Variants in LMNTD1 observed in about 807,000 individuals in gnomAD.
LMNTD1 encodes the protein lamin tail domain containing 1.
LMNTD1 carries 35 observed loss-of-function variants against 50.9 expected under a neutral mutation model. That is an observed-to-expected ratio of 0.69 (90% confidence interval 0.53 to 0.91). The LOEUF is 0.91. LMNTD1 is among the 40% of genes least tolerant of loss of function. The pLI is 0.00. For missense variants in LMNTD1, 470 were observed against 475.5 expected (o/e 0.99, Z 0.11); for synonymous variants, 153 against 161.9 (o/e 0.94, Z 0.42).
chr12:25,530,507 T>A (rs1430099625), intron 4 of LMNTD1, among the ~76,000 whole-genome samples: 1 of 152,224 alleles, frequency 6.6e-6, no homozygotes, highest in Non-Finnish European at 1.5e-5. Context: ...TCCTAGTTAA[T>A]TAGATTGTCC....
In LMNTD1 at chr12:25,518,867, T is replaced by C. The variant is rs771860945; in HGVS notation, c.1117A>G (p.Asn373Asp). The C allele has an allele frequency of 1.2e-6, 2 of 1,613,916 alleles. No homozygotes were observed. The highest frequency in any genetic ancestry group is 1.3e-5 in the African/African-American group (1 of 74,880). ...AATCTGCCTCCAGCGGTGGATGTATTGTGTGGTTCAATCAGAGGACAGTAA... is the reference window on the plus strand; with the variant it reads ...AATCTGCCTCCAGCGGTGGATGTATCGTGTGGTTCAATCAGAGGACAGTAA... Reference protein sequence around the residue: ...HPYCPLIEPHNTSTAGGRLDR... With the variant: ...HPYCPLIEPHDTSTAGGRLDR... The change falls in exon 8 of 10, where the codon AAT (asparagine) becomes GAT (aspartate). Residue 373 changes from asparagine (N) to aspartate (D), a missense_variant. By Grantham distance (23) the Asn-to-Asp change is conservative. Coordinates refer to ENST00000458174, the MANE Select transcript of LMNTD1 (RefSeq NM_001145728.2).
At chr12:25,480,284 G>T (rs542685389) in intron 9 of LMNTD1, among the ~76,000 whole-genome samples, 1 of 152,284 alleles carries the variant, frequency 6.6e-6, no homozygotes, top group Non-Finnish European at 1.5e-5. Flanking sequence ...ATTTTATCAT[G>T]ATTTTCTGGC....
At position 25,559,325 on chromosome 12, in the gene LMNTD1, T is replaced by C. The variant is rs537606760; in HGVS notation, c.59-12771A>G. 4.6e-5 allele frequency among the ~76,000 whole-genome samples: 7 copies of C among 152,236 alleles called. No homozygotes were observed. The South Asian group carries it at 1.5e-3, about 32-fold the overall frequency. ...GTTTTCTGTCCTTGCAATACTTTGC[T>C]CAGAATGATGGTTTCCAGCTTCATC... On this transcript the variant is annotated intron_variant, in intron 1 of 7. Transcript: ENST00000445693.
intron 9 of LMNTD1, among the ~76,000 whole-genome samples, chr12:25,494,556 T>C (rs1215768130): frequency 6.6e-6 from 1 of 152,180 alleles, no homozygotes; most frequent in Non-Finnish European, 1.5e-5. Context: ...GTCTCCATAA[T>C]GTATTCCAAA....
intron 9 of LMNTD1, among the ~76,000 whole-genome samples, chr12:25,493,590 A>G (rs1414781771): frequency 6.6e-6 from 1 of 152,216 alleles, no homozygotes; most frequent in Non-Finnish European, 1.5e-5. Flanking sequence ...GGGTCCACCA[A>G]CTGAATTTGG....
intron 9 of LMNTD1, among the ~76,000 whole-genome samples, chr12:25,485,027 G>A (rs1170432664): frequency 6.6e-6 from 1 of 151,924 alleles, no homozygotes; most frequent in East Asian, 1.9e-4. Context: ...CCCAGTAATG[G>A]GATGCCTGGG....
rs367837037 is a variant in LMNTD1 at position 25,520,160 on chromosome 12, A to G, written c.799-85T>C. 2.6e-3 allele frequency: 555 copies of G among 215,858 alleles called. 49 individuals are homozygous for G. In the East Asian group the frequency reaches 0.032, roughly 12 times the overall value. 13.4% of individuals were successfully genotyped at this position (215,858 alleles called of 1,614,324 possible). A position where few individuals can be genotyped will look rare whatever the true frequency, so the allele number is the denominator to read the frequency against. On this transcript the variant is annotated intron_variant, in intron 6 of 9. Transcript: ENST00000458174. ...ATGAGATATACATATATATATATAT[A>G]TATATATATATATATAGTAAAATGG...
chr12:25,597,747 T>C (rs1392078932), intron 1 of LMNTD1, among the ~76,000 whole-genome samples: 1 of 152,188 alleles, frequency 6.6e-6, no homozygotes, highest in Non-Finnish European at 1.5e-5. Context: ...ATATGTTAAG[T>C]CACAAGACAA....
chr12:25,616,201 A>C (rs945174946), intron 1 of LMNTD1, among the ~76,000 whole-genome samples: 1 of 152,202 alleles, frequency 6.6e-6, no homozygotes, highest in African/African-American at 2.4e-5. Context: ...GACTATTTTT[A>C]GACAGGGTGG....
intron 1 of LMNTD1, among the ~76,000 whole-genome samples, chr12:25,571,020 A>T (rs1944765648): frequency 6.6e-6 from 1 of 152,196 alleles, no homozygotes; most frequent in Non-Finnish European, 1.5e-5. Context: ...TGACCTGTAC[A>T]GTCATAGGTG....
chr12:25,535,125 CTGTATT>C (rs1471416512), intron 4 of LMNTD1, among the ~76,000 whole-genome samples: 1 of 152,134 alleles, frequency 6.6e-6, no homozygotes, highest in Non-Finnish European at 1.5e-5. Context: ...ATCCTTATAA[CTGTATT>C]TGTATGTTCA....
chr12:25,554,645 T>C (rs1250411945), upstream of LMNTD1, among the ~76,000 whole-genome samples: 8 of 152,222 alleles, frequency 5.3e-5, no homozygotes, highest in South Asian at 1.4e-3. Flanking sequence ...CGGGTATTAG[T>C]GGCATTTGGT....
rs544334976 is a variant in LMNTD1, at chr12:25,526,858, G to T, written c.589C>A (p.His197Asn). Reference protein sequence around the residue: ...SLDKEMAIGDHILQQNVNGQT... With the variant: ...SLDKEMAIGDNILQQNVNGQT... ...CCATTCACATTTTGCTGGAGAATAT[G>T]ATCTCCAATTGCCATTTCTTTGTCA... The change falls in exon 5 of 10, where the codon CAT becomes AAT. Residue 197 changes from histidine to asparagine, a missense_variant. Physicochemically the swap from His to Asn is moderately conservative, Grantham distance 68. Coordinates refer to ENST00000458174, the MANE Select transcript of LMNTD1 (RefSeq NM_001145728.2). 2 of 1,611,490 alleles carry T rather than the reference G, an allele frequency of 1.2e-6. No homozygotes were observed. Among genetic ancestry groups the T allele is most frequent in the South Asian group, 2.2e-5 (2 of 90,964 alleles).
intron 6 of LMNTD1, among the ~76,000 whole-genome samples, chr12:25,523,429 T>C (rs1323097191): frequency 6.6e-6 from 1 of 152,234 alleles, no homozygotes; most frequent in Non-Finnish European, 1.5e-5. Context: ...TCTATTCTGA[T>C]CTGTATAGCT....
chr12:25,559,170 T>C (rs1208328528), intron 1 of LMNTD1, among the ~76,000 whole-genome samples: 1 of 152,078 alleles, frequency 6.6e-6, no homozygotes, highest in African/African-American at 2.4e-5. Context: ...ACATTAGGTA[T>C]ATCTCCTAAT....
At chr12:25,582,741 T>C (rs937941718) in intron 1 of LMNTD1, among the ~76,000 whole-genome samples, 2 of 152,252 alleles carry the variant, frequency 1.3e-5, no homozygotes, top group Non-Finnish European at 2.9e-5. Flanking sequence ...TATCTGCTAA[T>C]TATAGAATTT....
At chr12:25,526,694 G>A (rs2094852329) in intron 5 of LMNTD1, 75 bp downstream of exon 5, 2 of 994,030 alleles carry the variant, frequency 2.0e-6, no homozygotes, top group Admixed American at 4.8e-5. Flanking sequence ...AGACAGTGCT[G>A]AGCCACAGAC....
intron 1 of LMNTD1, among the ~76,000 whole-genome samples, chr12:25,575,945 G>T (rs1019041843): frequency 2.0e-5 from 3 of 152,060 alleles, no homozygotes; most frequent in African/African-American, 7.2e-5. Context: ...GGGGTGTTTG[G>T]TTTTCTGTCC....
intron 1 of LMNTD1, among the ~76,000 whole-genome samples, chr12:25,626,252 C>G (rs1367269532): frequency 1.3e-5 from 2 of 152,050 alleles, no homozygotes; most frequent in Non-Finnish European, 2.9e-5. Flanking sequence ...GACCCAGGTG[C>G]TGGTTCCACA....
Sources: gnomAD v4.1 joint callset for allele counts (sites outside exome capture counted in the v4.1 genomes callset) on GRCh38, gnomAD v4.1.1 for gene constraint, MANE v1.5 for transcripts, NCBI Gene and HGNC (gene_info 2026-07-23, HGNC 2026-07-21) for gene names.